C20orf96: variants seen among roughly 807,000 people sequenced by gnomAD.
C20orf96 encodes the protein uncharacterized protein C20orf96.
A neutral mutation model predicts 52.6 loss-of-function variants in C20orf96; 57 were observed. That is an observed-to-expected ratio of 1.08 (90% CI 0.88 to 1.35). The LOEUF (loss-of-function observed/expected upper bound fraction) is 1.35, where lower values mean the gene tolerates loss of function less well. Ranked by LOEUF, C20orf96 falls within the 40% of genes most tolerant of loss-of-function variation. C20orf96 has a pLI of 0.00. For synonymous variants in C20orf96, 168 were observed against 157.2 expected, an observed-to-expected ratio of 1.07 and a Z score of -0.51; for missense variants, 478 against 443.6, an observed-to-expected ratio of 1.08 and a Z score of -0.70.
chr20:285,983 G>A (rs182436668), intron 3 of C20orf96, among the ~76,000 whole-genome samples: 1 of 152,120 alleles, frequency 6.6e-6, no homozygotes, highest in Non-Finnish European at 1.5e-5. Flanking sequence ...AAATGAATAC[G>A]TTAAAATTTA....
At chr20:274,019 G>A (rs1474513316) in intron 10 of C20orf96, among the ~76,000 whole-genome samples, 3 of 148,438 alleles carry the variant, frequency 2.0e-5, no homozygotes, top group Non-Finnish European at 3.0e-5. Flanking sequence ...AAAGAAAAGA[G>A]AGAAAGGAAG....
intron 9 of C20orf96, 122 bp downstream of exon 9, chr20:276,671 A>G: frequency 6.7e-7 from 1 of 1,498,544 alleles, no homozygotes; most frequent in Non-Finnish European, 8.9e-7. Context: ...AGGGAGGCCA[A>G]CACCAGAGTC....
intron 3 of C20orf96, among the ~76,000 whole-genome samples, chr20:285,452 ATT>A (rs1337965199): frequency 6.6e-6 from 1 of 152,164 alleles, no homozygotes. Context: ...AAGTAAATTA[ATT>A]TTGTGTTTAA....
intron 3 of C20orf96, 135 bp from the exon 4 acceptor site, chr20:284,216 C>T (rs766854879): frequency 2.9e-5 from 19 of 655,560 alleles, no homozygotes; most frequent in Non-Finnish European, 4.9e-5. Flanking sequence ...TAATGTGACA[C>T]TAGACCGAGG....
chr20:285,280 TGACATGG>T (rs1259189449), intron 3 of C20orf96, among the ~76,000 whole-genome samples: 2 of 152,168 alleles, frequency 1.3e-5, no homozygotes, highest in African/African-American at 4.8e-5. Flanking sequence ...TGTCGTGCAA[TGACATGG>T]GACAAATCGC....
intron 3 of C20orf96, among the ~76,000 whole-genome samples, chr20:284,593 C>T (rs563825903): frequency 2.6e-5 from 4 of 152,256 alleles, no homozygotes; most frequent in African/African-American, 7.2e-5. Context: ...TGGCGGCTCA[C>T]GCCTGTAATC....
intron 4 of C20orf96, among the ~76,000 whole-genome samples, chr20:281,744 C>G (rs1427846426): frequency 6.6e-6 from 1 of 151,904 alleles, no homozygotes; most frequent in East Asian, 1.9e-4. Context: ...TTTGGAAGAG[C>G]AAGGTGGAAG....
intron 3 of C20orf96, among the ~76,000 whole-genome samples, chr20:287,884 G>A (rs1185257937): frequency 8.3e-6 from 1 of 120,192 alleles, no homozygotes; most frequent in African/African-American, 3.3e-5. Context: ...ACCCTGGCCT[G>A]AGCAACAAAG....
intron 3 of C20orf96, among the ~76,000 whole-genome samples, chr20:288,027 C>T (rs1324256949): frequency 6.6e-6 from 1 of 150,736 alleles, no homozygotes; most frequent in Non-Finnish European, 1.5e-5. Context: ...AAGAACTCTT[C>T]ACTTGGCCCT....
In C20orf96 at chr20:278,404, G is replaced by C; in HGVS notation, c.491C>G (p.Ser164Ter). 1.2e-6 allele frequency: 2 copies of C among 1,613,816 alleles called. No individual in the cohort carries two copies. The highest frequency in any genetic ancestry group is 3.3e-5 in the Admixed American group (2 of 60,008). The change falls in exon 6 of 11, where the codon TCA becomes TGA. Residue 164 changes from serine (S) to a stop codon, truncating the protein, a stop_gained. Coordinates refer to ENST00000360321, the MANE Select transcript of C20orf96 (RefSeq NM_153269.3). LOFTEE classifies it high-confidence loss of function. ...CAATTGCTGCAGCCTCTTCTTGTTT[G>C]AGTACTCCAAGATGTCGATGATGGT... Reference protein sequence around the residue: ...LATIIDILEYSNKKRLQQLKS... With the variant: ...LATIIDILEY
intron 10 of C20orf96, among the ~76,000 whole-genome samples, chr20:274,407 C>T (rs1285467903): frequency 6.6e-6 from 1 of 152,194 alleles, no homozygotes; most frequent in Non-Finnish European, 1.5e-5. Context: ...GAAAGGACTC[C>T]ACTCTTCTCT....
chr20:277,656 T>C (rs1012801888), intron 6 of C20orf96, among the ~76,000 whole-genome samples: 3 of 152,190 alleles, frequency 2.0e-5, no homozygotes, highest in African/African-American at 7.2e-5. Flanking sequence ...ACTTGCCGGG[T>C]GGCTCTCGCC....
At chr20:279,134 C>CGGAG (rs775869853) in intron 5 of C20orf96, 38 bp downstream of exon 5, 1 of 1,013,560 alleles carries the variant, frequency 9.9e-7, no homozygotes, top group African/African-American at 4.5e-5. Context: ...GAGGTTGGGA[C>CGGAG]GGAGGGACGG....
intron 10 of C20orf96, among the ~76,000 whole-genome samples, 177 bp from the exon 11 acceptor site, chr20:271,444 ACACAC>A (rs2011836014): frequency 2.0e-5 from 1 of 49,096 alleles, no homozygotes; most frequent in African/African-American, 2.3e-4. Context: ...ACACAAGCAT[ACACAC>A]ACACACACAC....
chr20:277,405 C>A lies in C20orf96; in HGVS notation c.566-22G>T. ...AGATCTGGGGAGGGGTTAGGGAGGT[C>A]AGCAGGGACAGGAGGCAAGACCTTC... On this transcript the variant is annotated intron_variant, in intron 6 of 10. Coordinates refer to ENST00000360321, the MANE Select transcript of C20orf96 (RefSeq NM_153269.3). 2.5e-6 allele frequency: 4 copies of A among 1,611,774 alleles called. No homozygotes were observed. The South Asian group carries it at 4.4e-5, about 18-fold the overall frequency.
rs374351306 is a variant in C20orf96 at position 278,433 on chromosome 20, C to T, written c.466-4G>A. 2.8e-5 allele frequency: 45 copies of T among 1,612,298 alleles called. No individual in the cohort carries two copies. Among genetic ancestry groups the T allele is most frequent in the African/African-American group, 8.0e-5 (6 of 74,836 alleles). On this transcript the variant is annotated splice_region_variant and splice_polypyrimidine_tract_variant and intron_variant, in intron 5 of 10. Coordinates refer to ENST00000360321, the MANE Select transcript of C20orf96 (RefSeq NM_153269.3). ...ACTCCAAGATGTCGATGATGGTCTGCGGGAGGGGTGGAGTCAACTCACCCA... is the reference window on the plus strand; with the variant it reads ...ACTCCAAGATGTCGATGATGGTCTGTGGGAGGGGTGGAGTCAACTCACCCA...
intron 3 of C20orf96, among the ~76,000 whole-genome samples, chr20:285,785 T>C (rs910815712): frequency 6.6e-6 from 1 of 152,228 alleles, no homozygotes; most frequent in African/African-American, 2.4e-5. Flanking sequence ...TTTTGCCATG[T>C]TGGCCAGGCT....
chr20:274,806 CT>C (rs998260104), intron 10 of C20orf96, among the ~76,000 whole-genome samples: 93 of 145,498 alleles, frequency 6.4e-4, no homozygotes, highest in African/African-American at 1.9e-3. Context: ...TTTCTTTTTT[CT>C]TTTTTTTTTA....
Position 289,573 on chromosome 20 carries a change from G to A in C20orf96, c.173C>T (p.Thr58Ile), listed in dbSNP as rs2012482938. ...SLHTSKMKTL[T>I]RVQPVFHFKP... Reference sequence around the variant, plus strand: ...CCTCCGCCCACCTGGTTGGACCCTAGTCAAAGTCTTCATTTTGCTTGTATG... The same window carrying A: ...CCTCCGCCCACCTGGTTGGACCCTAATCAAAGTCTTCATTTTGCTTGTATG... The change falls in exon 3 of 11, where the codon ACT (threonine) becomes ATT (isoleucine). Residue 58 changes from threonine to isoleucine, a missense_variant. Thr to Ile is a moderately conservative substitution (Grantham distance 89, BLOSUM62 -1). Transcript: ENST00000360321. The A allele has an allele frequency of 6.2e-7, 1 of 1,613,618 alleles. No homozygotes were observed. The highest frequency in any genetic ancestry group is 2.2e-5 in the East Asian group (1 of 44,870).
Sources: allele counts gnomAD v4.1 joint callset (sites outside exome capture counted in the v4.1 genomes callset), GRCh38; gene constraint gnomAD v4.1.1; transcripts MANE v1.5; gene names NCBI Gene and HGNC (gene_info 2026-07-23, HGNC 2026-07-21).